Variants in HPSE2 observed in about 807,000 individuals in gnomAD.
The protein encoded by HPSE2 is inactive heparanase-2.
Under a neutral mutation model 60.5 loss-of-function variants are expected in HPSE2, and 38 were observed. The observed-to-expected ratio is 0.63, with a 90% CI of 0.48 to 0.82. HPSE2 has a LOEUF of 0.82. Ranked by LOEUF, HPSE2 falls within the 40% of genes least tolerant of loss-of-function variation. The probability of loss-of-function intolerance (pLI) is 0.00; values close to 1 mark genes in which losing one functional copy is unlikely to be tolerated. For missense variants in HPSE2, 713 were observed against 740.4 expected (o/e 0.96, Z 0.43); for synonymous variants, 295 against 293.2 (o/e 1.01, Z -0.06).
At chr10:98,601,538 G>A (rs966218244) in intron 9 of HPSE2, among the ~76,000 whole-genome samples, 3 of 152,190 alleles carry the variant, frequency 2.0e-5, no homozygotes, top group Non-Finnish European at 4.4e-5. Context: ...TGTTCTTGAT[G>A]AGTGTGCCAG....
chr10:99,101,300 C>T (rs918866747), intron 3 of HPSE2, among the ~76,000 whole-genome samples: 1 of 152,030 alleles, frequency 6.6e-6, no homozygotes, highest in Non-Finnish European at 1.5e-5. Context: ...GAAGATCTAC[C>T]AAGCAAATGG....
chr10:98,520,935 A>G (rs1199087690), intron 9 of HPSE2, among the ~76,000 whole-genome samples: 1 of 152,240 alleles, frequency 6.6e-6, no homozygotes, highest in Non-Finnish European at 1.5e-5. Flanking sequence ...CTGGCTAGCC[A>G]TAGGTAGAAA....
chr10:99,267,358 G>T, the HPSE2 span, among the ~76,000 whole-genome samples: 2 of 152,032 alleles, frequency 1.3e-5, no homozygotes, highest in Admixed American at 6.6e-5. Flanking sequence ...CTCAGCAATA[G>T]AATCAAACAA....
intron 3 of HPSE2, among the ~76,000 whole-genome samples, chr10:98,867,308 T>C (rs1471314943): frequency 6.7e-6 from 1 of 149,264 alleles, no homozygotes; most frequent in Non-Finnish European, 1.5e-5. Context: ...AAAAAAAAAA[T>C]CTAATAATCC....
chr10:99,087,933 T>C (rs1256650460), intron 3 of HPSE2, among the ~76,000 whole-genome samples: 2 of 151,842 alleles, frequency 1.3e-5, no homozygotes, highest in East Asian at 3.9e-4. Context: ...TATCCATCCA[T>C]TCCCTTCCAT....
intron 3 of HPSE2, among the ~76,000 whole-genome samples, chr10:99,105,104 A>G (rs1292665906): frequency 6.6e-6 from 1 of 151,938 alleles, no homozygotes; most frequent in East Asian, 1.9e-4. Context: ...AACATCATAG[A>G]AACATCATAG....
At chr10:98,962,259 G>GT (rs1589433235) in intron 3 of HPSE2, among the ~76,000 whole-genome samples, 1 of 119,520 alleles carries the variant, frequency 8.4e-6, no homozygotes, top group African/African-American at 3.3e-5. Flanking sequence ...CTTTAAAGTA[G>GT]TTTTTTCCAA....
At chr10:99,260,434 C>A in the HPSE2 span, among the ~76,000 whole-genome samples, 1 of 152,174 alleles carries the variant, frequency 6.6e-6, no homozygotes, top group Non-Finnish European at 1.5e-5. Flanking sequence ...GGTCCTCAGA[C>A]CACCAGCCCA....
the HPSE2 span, among the ~76,000 whole-genome samples, chr10:99,263,023 C>T: frequency 6.6e-6 from 1 of 152,304 alleles, no homozygotes; most frequent in East Asian, 1.9e-4. Flanking sequence ...TGCCCTGTAG[C>T]CTTTCTGTCC....
chr10:98,888,826 T>C (rs1953247504), intron 3 of HPSE2, among the ~76,000 whole-genome samples: 1 of 152,234 alleles, frequency 6.6e-6, no homozygotes, highest in African/African-American at 2.4e-5. Context: ...CCAATTAAAT[T>C]TGAGAATCTT....
At chr10:99,264,872 C>A in the HPSE2 span, among the ~76,000 whole-genome samples, 8,514 of 152,166 alleles carry the variant, frequency 0.056, 343 homozygotes, top group Non-Finnish European at 0.085. Flanking sequence ...CCACACCACC[C>A]CTAATCCCAC....
At chr10:98,878,751 G>A (rs917005040) in intron 3 of HPSE2, among the ~76,000 whole-genome samples, 1 of 151,890 alleles carries the variant, frequency 6.6e-6, no homozygotes, top group African/African-American at 2.4e-5. Flanking sequence ...ACAAACAAGA[G>A]ATCGAATCAA....
intron 11 of HPSE2, among the ~76,000 whole-genome samples, chr10:98,478,321 C>A (rs1223568242): frequency 6.6e-6 from 1 of 152,102 alleles, no homozygotes; most frequent in Admixed American, 6.6e-5. Context: ...AGTCATAGAG[C>A]CTCTTTGTGT....
At chr10:98,752,494 C>T (rs1481611761) in intron 3 of HPSE2, among the ~76,000 whole-genome samples, 1 of 152,158 alleles carries the variant, frequency 6.6e-6, no homozygotes, top group Non-Finnish European at 1.5e-5. Context: ...TATATAAATA[C>T]TCTTCATTGC....
chr10:98,895,617 C>T (rs895693273), intron 3 of HPSE2, among the ~76,000 whole-genome samples: 4 of 152,078 alleles, frequency 2.6e-5, no homozygotes, highest in Non-Finnish European at 2.9e-5. Context: ...TTCTGCCTTA[C>T]TTAAAAACTC....
At chr10:98,546,724 C>T (rs11189668) in intron 9 of HPSE2, among the ~76,000 whole-genome samples, 107,761 of 132,682 alleles carry the variant, frequency 0.81, 44,267 homozygotes, top group East Asian at 0.96. Context: ...TAGGCATTAC[C>T]ATTCAGGACA....
chr10:98,821,718 C>T (rs1951429070), intron 3 of HPSE2, among the ~76,000 whole-genome samples: 1 of 151,736 alleles, frequency 6.6e-6, no homozygotes, highest in African/African-American at 2.4e-5. Flanking sequence ...CAGAGGGAAC[C>T]AAATTAAAAA....
At chr10:98,803,104 CT>C (rs1950955418) in intron 3 of HPSE2, among the ~76,000 whole-genome samples, 1 of 151,842 alleles carries the variant, frequency 6.6e-6, no homozygotes, top group Admixed American at 6.6e-5. Flanking sequence ...TGTTTTTTGG[CT>C]GCATATATGT....
rs191796161 is a variant in HPSE2, at chr10:98,755,749, G to A, written c.611-11693C>T. On this transcript the variant is annotated intron_variant, in intron 3 of 11. Coordinates refer to ENST00000370552, the MANE Select transcript of HPSE2 (RefSeq NM_021828.5). Reference sequence around the variant, plus strand: ...GTGGTGGCTCACACCTGTAATCCCAGCACTTTGGGAGTTTCAGGTGGGCAG... The same window carrying A: ...GTGGTGGCTCACACCTGTAATCCCAACACTTTGGGAGTTTCAGGTGGGCAG... Among the ~76,000 whole-genome samples the A allele has an allele frequency of 3.3e-4, 51 of 152,324 alleles. No homozygotes were observed. The East Asian group carries it at 9.4e-3, about 28-fold the overall frequency.
Sources: gnomAD v4.1 joint callset for allele counts (sites outside exome capture counted in the v4.1 genomes callset) on GRCh38, gnomAD v4.1.1 for gene constraint, MANE v1.5 for transcripts, NCBI Gene and HGNC (gene_info 2026-07-23, HGNC 2026-07-21) for gene names.